Variants in MAP2 observed in about 807,000 individuals in gnomAD.
MAP2 encodes the protein microtubule associated protein 2.
In MAP2, 14 loss-of-function variants were observed where a neutral mutation model predicts 137.6. That is an observed-to-expected ratio of 0.10 (90% CI 0.07 to 0.16). The LOEUF is 0.16. Among genes scored for constraint, MAP2 ranks in the 10% least tolerant of loss-of-function variants. The pLI is 1.00. For synonymous variants in MAP2, 786 were observed against 782.3 expected (o/e 1.00, Z -0.08); for missense variants, 2,088 against 2,191.5 (o/e 0.95, Z 0.94).
intron 2 of MAP2, among the ~76,000 whole-genome samples, chr2:209,547,143 A>C (rs1222448797): frequency 6.6e-6 from 1 of 151,898 alleles, no homozygotes; most frequent in African/African-American, 2.4e-5. Context: ...CCCCTAAAAT[A>C]CTCTTGTTGG....
Position 209,649,637 on chromosome 2 carries a change from T to C in MAP2, c.-29-3505T>C, listed in dbSNP as rs143205324. Among the ~76,000 whole-genome samples, 781 of 152,310 alleles carry C rather than the reference T, an allele frequency of 5.1e-3. 8 individuals carry two copies. The highest frequency in any genetic ancestry group is 0.018 in the African/African-American group (745 of 41,576). On this transcript the variant is annotated intron_variant, in intron 4 of 15. Coordinates refer to ENST00000682079, the MANE Select transcript of MAP2 (RefSeq NM_001375505.1). ...AGTTATATTTTCTGTAAAAGTAGTT[T>C]TGTCAGAGCCATGCTATTTTAGTTT...
intron 3 of MAP2, among the ~76,000 whole-genome samples, chr2:209,605,059 G>T (rs1028472807): frequency 6.6e-6 from 1 of 152,070 alleles, no homozygotes; most frequent in Non-Finnish European, 1.5e-5. Context: ...GAGTATATGC[G>T]TGTGTATGCA....
At chr2:209,608,694 A>G (rs2085673388) in intron 3 of MAP2, among the ~76,000 whole-genome samples, 1 of 152,162 alleles carries the variant, frequency 6.6e-6, no homozygotes. Context: ...ATTATATCTT[A>G]GCCTAAAACC....
At chr2:209,688,123 TA>T (rs1230103351) in intron 7 of MAP2, among the ~76,000 whole-genome samples, 2 of 152,124 alleles carry the variant, frequency 1.3e-5, no homozygotes, top group Non-Finnish European at 2.9e-5. Context: ...CCAAATGCCT[TA>T]ACAATTTATA....
intron 1 of MAP2, among the ~76,000 whole-genome samples, chr2:209,500,059 C>T (rs13023473): frequency 0.058 from 8,816 of 152,204 alleles, 293 homozygotes; most frequent in South Asian, 0.092. Context: ...ACTGTCTCCA[C>T]CTGAATTGTG....
At chr2:209,682,638 G>C (rs1226531923) in intron 7 of MAP2, among the ~76,000 whole-genome samples, 5 of 152,126 alleles carry the variant, frequency 3.3e-5, no homozygotes, top group Non-Finnish European at 7.3e-5. Context: ...TTATTGGGTG[G>C]TGAGGGGATG....
chr2:209,491,248 T>G (rs1451982010), intron 1 of MAP2, among the ~76,000 whole-genome samples: 2 of 152,102 alleles, frequency 1.3e-5, no homozygotes, highest in Non-Finnish European at 2.9e-5. Flanking sequence ...TTGAAACTAA[T>G]GAGAACAAAG....
At chr2:209,631,453 G>A (rs1228084502) in intron 4 of MAP2, among the ~76,000 whole-genome samples, 1 of 152,074 alleles carries the variant, frequency 6.6e-6, no homozygotes, top group Admixed American at 6.6e-5. Context: ...AACTTTGCAG[G>A]CAGACCCTTC....
chr2:209,726,395 C>T (rs986781174), intron 14 of MAP2, among the ~76,000 whole-genome samples: 1 of 152,096 alleles, frequency 6.6e-6, no homozygotes, highest in Non-Finnish European at 1.5e-5. Context: ...GATTTTCTCC[C>T]TTTAAAGTGT....
intron 2 of MAP2, among the ~76,000 whole-genome samples, chr2:209,530,536 C>T (rs960503642): frequency 6.6e-6 from 1 of 152,092 alleles, no homozygotes; most frequent in Non-Finnish European, 1.5e-5. Flanking sequence ...CAAATATAGA[C>T]AGGAAATTAA....
chr2:209,499,145 A>G (rs553083984), intron 1 of MAP2, among the ~76,000 whole-genome samples: 3 of 152,268 alleles, frequency 2.0e-5, no homozygotes, highest in South Asian at 4.2e-4. Flanking sequence ...GTTATTAGAA[A>G]CAGCCAGGCC....
chr2:209,484,877 T>C (rs1394320643), intron 1 of MAP2, among the ~76,000 whole-genome samples: 1 of 152,224 alleles, frequency 6.6e-6, no homozygotes, highest in Admixed American at 6.5e-5. Flanking sequence ...TGTCAACTAT[T>C]AGCCATAGTG....
rs371400811 is a variant in MAP2, at chr2:209,646,763, T to A, written c.-29-6379T>A. On this transcript the variant is annotated intron_variant, in intron 4 of 15. Coordinates refer to ENST00000682079, the MANE Select transcript of MAP2 (RefSeq NM_001375505.1). The stretch of plus-strand genomic sequence containing the variant: ...TTTTATAGTGAGCTGGATATTTCCT[T>A]TTGTTCTTTCTTCATTCTTTTGTTG... Among the ~76,000 whole-genome samples, 3 of 152,282 alleles carry A rather than the reference T, an allele frequency of 2.0e-5. No homozygotes were observed. The East Asian group carries it at 5.8e-4, about 29-fold the overall frequency.
In MAP2 at chr2:209,694,737, T is replaced by A. The variant is rs544906017; in HGVS notation, c.2567T>A (p.Val856Asp). 1.5e-5 allele frequency: 25 copies of A among 1,614,098 alleles called. No individual in the cohort carries two copies. In the South Asian group the frequency reaches 2.4e-4, roughly 16 times the overall value. The change falls in exon 8 of 16, where the codon GTC becomes GAC. Residue 856 changes from valine (V) to aspartate (D), a missense_variant. Val to Asp is a radical substitution (Grantham distance 152). This residue lies in a region of MAP2 where 500 missense variants were observed against 482.9 expected (regional missense o/e 1.04). Transcript: ENST00000682079. The stretch of plus-strand genomic sequence containing the variant: ...CCCCCGGTAACTGATGAAAACCATG[T>A]CATTGTAAAAACGGACAGTCAGCTC... ...GLPPVTDENH[V>D]IVKTDSQLED... is the part of the protein sequence containing the mutation.
At chr2:209,454,920 G>A (rs1701185024) in intron 1 of MAP2, among the ~76,000 whole-genome samples, 1 of 152,174 alleles carries the variant, frequency 6.6e-6, no homozygotes, top group Non-Finnish European at 1.5e-5. Context: ...AGGCTAGACA[G>A]TCCAATAACA....
At chr2:209,494,837 G>T (rs1032220625) in intron 1 of MAP2, among the ~76,000 whole-genome samples, 4 of 152,076 alleles carry the variant, frequency 2.6e-5, no homozygotes, top group African/African-American at 9.7e-5. Context: ...ATTTATCATT[G>T]GTTTTCAGGT....
intron 1 of MAP2, among the ~76,000 whole-genome samples, chr2:209,465,740 G>A (rs564720575): frequency 6.6e-6 from 1 of 152,108 alleles, no homozygotes; most frequent in Non-Finnish European, 1.5e-5. Context: ...ATGATAATTT[G>A]GTTAGCAAAC....
chr2:209,550,233 A>C (rs1486943250), intron 2 of MAP2, among the ~76,000 whole-genome samples: 1 of 152,156 alleles, frequency 6.6e-6, no homozygotes, highest in Non-Finnish European at 1.5e-5. Flanking sequence ...CTCCTCTGGG[A>C]CCATCAAACC....
chr2:209,478,347 C>A (rs528848604), intron 1 of MAP2, among the ~76,000 whole-genome samples: 1 of 152,276 alleles, frequency 6.6e-6, no homozygotes, highest in South Asian at 2.1e-4. Flanking sequence ...ATATTATCTA[C>A]CTCATACATT....
Sources: gnomAD v4.1 joint callset for allele counts (sites outside exome capture counted in the v4.1 genomes callset) on GRCh38, gnomAD v4.1.1 for gene constraint, gnomAD v4.1.1 regional missense constraint, MANE v1.5 for transcripts, NCBI Gene and HGNC (gene_info 2026-07-23, HGNC 2026-07-21) for gene names.